The following PKHD1 variants were observed in gnomAD, a reference collection of about 807,000 sequenced individuals.
PKHD1 encodes the protein fibrocystin.
In PKHD1, 291 loss-of-function variants were observed where a neutral mutation model predicts 412.0. The ratio of observed to expected loss-of-function variants is 0.71; its 90% confidence interval spans 0.64 to 0.78. The LOEUF (loss-of-function observed/expected upper bound fraction) is 0.78, where lower values mean the gene tolerates loss of function less well. Ranked by LOEUF, PKHD1 falls within the 30% of genes least tolerant of loss-of-function variation. The pLI is 0.00. For synonymous variants in PKHD1, 1,777 were observed against 1,821.5 expected (o/e 0.98, Z 0.62); for missense variants, 4,825 against 4,950.7 (o/e 0.97, Z 0.76).
chr6:51,747,761 T>C (rs764914027), intron 58 of PKHD1, 26 bp downstream of exon 58: 13 of 1,598,366 alleles, frequency 8.1e-6, no homozygotes, highest in East Asian at 2.2e-5. Context: ...GAAATGGCAC[T>C]GCCTAGATAA....
At chr6:51,932,796 A>G (rs912914090) in intron 37 of PKHD1, among the ~76,000 whole-genome samples, 12 of 152,228 alleles carry the variant, frequency 7.9e-5, no homozygotes, top group Middle Eastern at 3.2e-3. Context: ...TGGGTAGCCC[A>G]CAGTCAACAC....
chr6:51,695,972 T>A (rs1340842432), intron 60 of PKHD1, among the ~76,000 whole-genome samples: 1 of 152,208 alleles, frequency 6.6e-6, no homozygotes, highest in Non-Finnish European at 1.5e-5. Context: ...TTTTGCTTCT[T>A]GAAAAATAAC....
rs143388752 is a variant in PKHD1, at chr6:51,791,274, A to G, written c.8402T>C (p.Val2801Ala). 1 of 1,613,914 alleles carries G rather than the reference A, an allele frequency of 6.2e-7. No homozygotes were observed. Among genetic ancestry groups the G allele is most frequent in the Non-Finnish European group, 8.5e-7 (1 of 1,179,860 alleles). Residue 2801 changes from valine (V) to alanine (A), a missense_variant, in exon 53 of 67, where the codon GTG (valine) becomes GCG (alanine). By Grantham distance (64) the Val-to-Ala change is moderately conservative. Coordinates refer to ENST00000371117, the MANE Select transcript of PKHD1 (RefSeq NM_138694.4). ...FPVDRSNVLS[V>A]ACMVIAGGEL... ...CCCGCCTGCAATGACCATGCATGCC[A>G]CACTCAGAACATTGCTTCTGTCCAC...
At chr6:52,010,162 T>C in intron 35 of PKHD1, 147 bp downstream of exon 35, 1 of 688,068 alleles carries the variant, frequency 1.5e-6, no homozygotes, top group Non-Finnish European at 2.6e-6. Flanking sequence ...ATTCAGATAT[T>C]GTGCATTAGA....
intron 60 of PKHD1, among the ~76,000 whole-genome samples, chr6:51,667,589 C>T (rs1314120642): frequency 6.6e-6 from 1 of 152,002 alleles, no homozygotes; most frequent in Non-Finnish European, 1.5e-5. Flanking sequence ...GTTGCCATTG[C>T]TTTTGGTGTT....
At chr6:51,960,160 C>A in intron 35 of PKHD1, 134 bp from the exon 36 acceptor site, 2 of 784,500 alleles carry the variant, frequency 2.5e-6, no homozygotes, top group East Asian at 2.7e-5. Context: ...AGTATTGAAT[C>A]AAAATAGAAA....
At chr6:52,076,009 T>C (rs1424939404) in intron 6 of PKHD1, among the ~76,000 whole-genome samples, 1 of 152,198 alleles carries the variant, frequency 6.6e-6, no homozygotes, top group African/African-American at 2.4e-5. Context: ...TTTCCTCCAG[T>C]CTCCAACATC....
intron 7 of PKHD1, 137 bp downstream of exon 7, chr6:52,073,326 G>C (rs1810895258): frequency 1.3e-6 from 1 of 759,306 alleles, no homozygotes; most frequent in East Asian, 2.4e-5. Context: ...CAGCTCATGA[G>C]GGACCATAAA....
At chr6:51,854,475 G>C (rs1034697428) in intron 49 of PKHD1, among the ~76,000 whole-genome samples, 4 of 151,928 alleles carry the variant, frequency 2.6e-5, no homozygotes, top group Non-Finnish European at 5.9e-5. Context: ...TGTTTCACTG[G>C]GGGGAAACCC....
chr6:51,732,550 A>G (rs1783354438), intron 60 of PKHD1, among the ~76,000 whole-genome samples: 1 of 152,208 alleles, frequency 6.6e-6, no homozygotes, highest in African/African-American at 2.4e-5. Flanking sequence ...AAGATGTTCA[A>G]CACTACTAAT....
In PKHD1 at chr6:51,648,235, TAAAGG is replaced by T. The variant is rs1180864746; in HGVS notation, c.11311-122_11311-118del. The stretch of plus-strand genomic sequence containing the variant: ...TTATAAAGCATATATTCAGTAGAAA[TAAAGG>T]AAAGAAAGTGATAAATAAATGTCTT... On this transcript the variant is annotated intron_variant, in intron 62 of 66. Transcript: ENST00000371117. The T allele has an allele frequency of 1.7e-5, 11 of 665,208 alleles. No individual in the cohort carries two copies. The Admixed American group carries it at 2.3e-4, about 14-fold the overall frequency. 41.2% of individuals were successfully genotyped at this position (665,208 alleles called of 1,614,324 possible). A position where few individuals can be genotyped will look rare whatever the true frequency, so the allele number is the denominator to read the frequency against.
intron 60 of PKHD1, among the ~76,000 whole-genome samples, chr6:51,665,588 G>T (rs867051613): frequency 6.6e-6 from 1 of 152,120 alleles, no homozygotes; most frequent in South Asian, 2.1e-4. Flanking sequence ...GAGCTGAAAA[G>T]TAGGTTCTTT....
At chr6:51,794,367 T>A (rs1055487223) in intron 52 of PKHD1, among the ~76,000 whole-genome samples, 2 of 152,164 alleles carry the variant, frequency 1.3e-5, no homozygotes, top group Non-Finnish European at 2.9e-5. Flanking sequence ...TTGCCCACTT[T>A]TTAATGGGGT....
chr6:51,654,990 C>T (rs1044294503), intron 61 of PKHD1, among the ~76,000 whole-genome samples: 2 of 151,950 alleles, frequency 1.3e-5, no homozygotes, highest in African/African-American at 4.8e-5. Context: ...AGCTTGCTTA[C>T]GTAGAACATC....
At chr6:51,669,375 G>T (rs1774478146) in intron 60 of PKHD1, among the ~76,000 whole-genome samples, 1 of 152,134 alleles carries the variant, frequency 6.6e-6, no homozygotes, top group South Asian at 2.1e-4. Flanking sequence ...TTGTATTTCT[G>T]TGGGATCGGT....
At chr6:51,620,393 G>A (rs1211301512) in intron 66 of PKHD1, among the ~76,000 whole-genome samples, 2 of 152,126 alleles carry the variant, frequency 1.3e-5, no homozygotes, top group Non-Finnish European at 2.9e-5. Flanking sequence ...AGAATGTTCA[G>A]TGGGATACAT....
At chr6:51,883,270 T>C in intron 45 of PKHD1, 43 bp from the exon 46 acceptor site, 1 of 1,582,540 alleles carries the variant, frequency 6.3e-7, no homozygotes, top group South Asian at 1.1e-5. Context: ...GAGGCTTGGT[T>C]TTTCTTGCGG....
intron 63 of PKHD1, among the ~76,000 whole-genome samples, chr6:51,642,824 A>G (rs1202295857): frequency 1.3e-5 from 2 of 152,130 alleles, no homozygotes; most frequent in East Asian, 3.9e-4. Context: ...TGGGTAACAG[A>G]GCCAGGCTCT....
chr6:51,836,886 A>G (rs968155915), intron 50 of PKHD1, among the ~76,000 whole-genome samples: 2 of 152,156 alleles, frequency 1.3e-5, no homozygotes, highest in Admixed American at 1.3e-4. Flanking sequence ...GTATTTGGTT[A>G]CCTTTATCCA....
Sources: allele counts gnomAD v4.1 joint callset (sites outside exome capture counted in the v4.1 genomes callset), GRCh38; gene constraint gnomAD v4.1.1; transcripts MANE v1.5; gene names NCBI Gene and HGNC (gene_info 2026-07-23, HGNC 2026-07-21).